DDX18: variants seen among roughly 807,000 people sequenced by gnomAD.
The protein encoded by DDX18 is DEAD-box helicase 18, also known as ATP-dependent RNA helicase DDX18.
In DDX18, 23 loss-of-function variants were observed where a neutral mutation model predicts 73.5. The ratio of observed to expected loss-of-function variants is 0.31; its 90% CI spans 0.23 to 0.44. The LOEUF (loss-of-function observed/expected upper bound fraction) is 0.44. Ranked by LOEUF, DDX18 falls within the 20% of genes least tolerant of loss-of-function variation. The pLI is 1.00. For missense variants in DDX18, 753 were observed against 792.9 expected (o/e 0.95, Z 0.60); for synonymous variants, 268 against 282.7 (o/e 0.95, Z 0.52).
intron 12 of DDX18, 83 bp from the exon 13 acceptor site, chr2:117,829,206 T>A: frequency 1.4e-6 from 2 of 1,428,036 alleles, no homozygotes; most frequent in Non-Finnish European, 1.9e-6. Context: ...GGAGTGGCTT[T>A]GCTCTAGGAT....
chr2:117,824,730 A>G, intron 8 of DDX18, 22 bp downstream of exon 8: 1 of 1,461,910 alleles, frequency 6.8e-7, no homozygotes, highest in South Asian at 1.6e-5. Context: ...CAATAACTGA[A>G]AACTGTAGGG....
intron 13 of DDX18, 102 bp from the exon 14 acceptor site, chr2:117,830,480 T>G: frequency 1.5e-6 from 2 of 1,337,824 alleles, no homozygotes; most frequent in Non-Finnish European, 2.0e-6. Context: ...AGAATGGGGT[T>G]GTGGAGGAAC....
At chr2:117,828,300 C>T (rs1679968390) in intron 11 of DDX18, 2 of 152,154 alleles carry the variant, frequency 1.3e-5, no homozygotes. Context: ...TCAGAGTGAA[C>T]AGGCAACCTA....
At chr2:117,821,822 T>C in intron 5 of DDX18, 40 bp from the exon 6 acceptor site, 2 of 1,613,460 alleles carry the variant, frequency 1.2e-6, no homozygotes, top group Non-Finnish European at 8.5e-7. Context: ...GACTCAGTGG[T>C]GACAGCCACA....
intron 8 of DDX18, 36 bp from the exon 9 acceptor site, chr2:117,824,904 G>C: frequency 6.4e-7 from 1 of 1,564,878 alleles, no homozygotes; most frequent in Non-Finnish European, 8.6e-7. Flanking sequence ...ATGTCCACTT[G>C]GTTCATTTGT....
chr2:117,830,876 C>A lies in DDX18; in HGVS notation c.*152C>A. 3.8e-6 allele frequency: 3 copies of A among 785,556 alleles called. No homozygotes were observed. The South Asian group carries it at 5.8e-5, about 15-fold the overall frequency. The allele number at this position is 785,556 out of a possible 1,614,324, so 48.7% of individuals were successfully genotyped here. A position where few individuals can be genotyped will look rare whatever the true frequency, so the allele number is the denominator to read the frequency against. Reference sequence around the variant, plus strand: ...TTGCAAGCACTGAGCACTGTTACTTCTATCACGTCTCTCTTTTATTTCTGG... The same window carrying A: ...TTGCAAGCACTGAGCACTGTTACTTATATCACGTCTCTCTTTTATTTCTGG... On this transcript the variant is annotated 3_prime_UTR_variant, in exon 14 of 14. Coordinates refer to ENST00000263239, the MANE Select transcript of DDX18 (RefSeq NM_006773.4).
At chr2:117,825,722 G>A (rs1679915109) in intron 10 of DDX18, 123 bp downstream of exon 10, 1 of 1,171,152 alleles carries the variant, frequency 8.5e-7, no homozygotes. Context: ...TACAGTGACT[G>A]CAGTATTTCT....
chr2:117,828,763 C>G lies in DDX18; in HGVS notation c.1636-186C>G, dbSNP rs1679974271. 5 of 570,974 alleles carry G rather than the reference C, an allele frequency of 8.8e-6. No individual in the cohort carries two copies. In the East Asian group the frequency reaches 1.4e-4, roughly 16 times the overall value. The allele number at this position is 570,974 out of a possible 1,614,324, so 35.4% of individuals were successfully genotyped here. A position where few individuals can be genotyped will look rare whatever the true frequency, so the allele number is the denominator to read the frequency against. The stretch of plus-strand genomic sequence containing the variant: ...CTTGCCTTTCAGAAAGAAAGAAGTG[C>G]AGATTGCCTAACTCAGCAGAGCAAA... On this transcript the variant is annotated intron_variant, in intron 11 of 13. Transcript: ENST00000263239.
At chr2:117,824,315 T>C (rs1303956630) in intron 7 of DDX18, 2 of 299,616 alleles carry the variant, frequency 6.7e-6, no homozygotes, top group Non-Finnish European at 1.2e-5. Flanking sequence ...TTAGTAGATA[T>C]AAGGCTATTT....
At position 117,821,580 on chromosome 2, in the gene DDX18, GGT is replaced by G. The variant is rs879039317; in HGVS notation, c.651-63_651-62del. On this transcript the variant is annotated intron_variant, in intron 4 of 13. Transcript: ENST00000263239. The stretch of plus-strand genomic sequence containing the variant: ...TTCATGTTCTAGCCGTAGTGCCTAA[GGT>G]GTGTGTATGTAGTACGTCGTAAATG... 8.3e-5 allele frequency: 126 copies of G among 1,524,230 alleles called. 1 individual carries two copies. The South Asian group carries it at 1.4e-3, about 17-fold the overall frequency. 94.4% of individuals were successfully genotyped at this position (1,524,230 alleles called of 1,614,324 possible). A position where few individuals can be genotyped will look rare whatever the true frequency, so the allele number is the denominator to read the frequency against.
chr2:117,821,348 G>C (rs773393402), intron 4 of DDX18, 52 bp downstream of exon 4: 2 of 1,563,180 alleles, frequency 1.3e-6, no homozygotes, highest in Middle Eastern at 1.7e-4. Context: ...AGAACTAGTA[G>C]ATGATAAAGA....
intron 11 of DDX18, chr2:117,827,321 A>AT (rs1169157154): frequency 6.6e-6 from 1 of 151,636 alleles, no homozygotes; most frequent in Non-Finnish European, 1.5e-5. Flanking sequence ...TCAGGTTGAC[A>AT]TTTCTTTCTT....
Position 117,814,801 on chromosome 2 carries a change from C to T in DDX18, c.24C>T (p.Leu8=), listed in dbSNP as rs759980832. 4 of 1,614,208 alleles carry T rather than the reference C, an allele frequency of 2.5e-6. No homozygotes were observed. The highest frequency in any genetic ancestry group is 3.4e-6 in the Non-Finnish European group (4 of 1,180,032). The stretch of plus-strand genomic sequence containing the variant: ...GAATGTCACACCTGCCGATGAAACT[C>T]CTGCGTAAGAAGATCGAGAAGCGGA... The part of the protein sequence containing the change: MSHLPMK[L]LRKKIEKRNL... The change falls in exon 1 of 14, where the codon CTC becomes CTT. Residue 8 remains leucine, a synonymous_variant. Transcript: ENST00000263239.
chr2:117,827,445 G>T (rs903297685), intron 11 of DDX18: 2 of 151,914 alleles, frequency 1.3e-5, no homozygotes, highest in African/African-American at 4.8e-5. Context: ...CCATAAACTC[G>T]TCATATACGT....
At chr2:117,829,514 T>C (rs773758751) in intron 13 of DDX18, 48 bp downstream of exon 13, 1 of 1,554,454 alleles carries the variant, frequency 6.4e-7, no homozygotes, top group Non-Finnish European at 8.8e-7. Flanking sequence ...GAACAAAAGC[T>C]TGACAGAGGG....
At position 117,828,970 on chromosome 2, in the gene DDX18, T is replaced by C. The variant is rs1182673436; in HGVS notation, c.1657T>C (p.Phe553Leu). 1.2e-6 allele frequency: 2 copies of C among 1,612,460 alleles called. No homozygotes were observed. The highest frequency in any genetic ancestry group is 1.7e-6 in the Non-Finnish European group (2 of 1,178,602). ...QSKVPLSEFD[F>L]SWSKISDIQS... ...CTAGGTTCCATTAAGTGAATTTGACTTTTCCTGGTCTAAAATTTCTGACAT... is the reference window on the plus strand; with the variant it reads ...CTAGGTTCCATTAAGTGAATTTGACCTTTCCTGGTCTAAAATTTCTGACAT... The change falls in exon 12 of 14, where the codon TTT (phenylalanine) becomes CTT (leucine). Residue 553 changes from phenylalanine (F) to leucine (L), a missense_variant. Physicochemically the swap from Phe to Leu is conservative, Grantham distance 22. This residue lies in a region of DDX18 where 402 missense variants were observed against 419.4 expected (regional missense o/e 0.96). Coordinates refer to ENST00000263239, the MANE Select transcript of DDX18 (RefSeq NM_006773.4).
Position 117,830,825 on chromosome 2 carries a change from C to G in DDX18, c.*101C>G. Reference sequence around the variant, plus strand: ...TGTAGACTTTAGAATTTGGACTTACCTAACAAGAGTATAAATTGACTTGGG... The same window carrying G: ...TGTAGACTTTAGAATTTGGACTTACGTAACAAGAGTATAAATTGACTTGGG... On this transcript the variant is annotated 3_prime_UTR_variant, in exon 14 of 14. Transcript: ENST00000263239. The G allele has an allele frequency of 2.8e-6, 4 of 1,405,538 alleles. No individual in the cohort carries two copies. Among genetic ancestry groups the G allele is most frequent in the Non-Finnish European group, 3.9e-6 (4 of 1,016,784 alleles). 87.1% of individuals were successfully genotyped at this position (1,405,538 alleles called of 1,614,324 possible).
At chr2:117,826,033 C>CTTTTTTTTT (rs1558734407) in intron 10 of DDX18, 1 of 272,322 alleles carries the variant, frequency 3.7e-6, no homozygotes, top group African/African-American at 3.6e-5. Context: ...TCATGTCCAG[C>CTTTTTTTTT]CTTTTTTTTT....
chr2:117,828,161 T>C (rs1679965802), intron 11 of DDX18: 1 of 152,232 alleles, frequency 6.6e-6, no homozygotes, highest in Admixed American at 6.5e-5. Context: ...CGCCCACTTT[T>C]TGATTGGGTT....
Sources: gnomAD v4.1 joint callset for allele counts on GRCh38, gnomAD v4.1.1 for gene constraint, gnomAD v4.1.1 regional missense constraint, MANE v1.5 for transcripts, NCBI Gene and HGNC (gene_info 2026-07-23, HGNC 2026-07-21) for gene names.